The following CLEC16A variants were observed in gnomAD, a reference collection of about 807,000 sequenced individuals.
CLEC16A encodes protein CLEC16A.
CLEC16A carries 51 observed loss-of-function variants against 109.5 expected under a neutral mutation model. The ratio of observed to expected loss-of-function variants is 0.47; its 90% CI spans 0.37 to 0.59. The LOEUF is 0.59. CLEC16A is among the 20% of genes least tolerant of loss of function. The pLI is 0.00. For missense variants in CLEC16A, 1,339 were observed against 1,394.0 expected, an observed-to-expected ratio of 0.96 and a Z score of 0.63; for synonymous variants, 673 against 564.2, an observed-to-expected ratio of 1.19 and a Z score of -2.73.
chr16:11,122,362 T>C (rs1567350757), intron 20 of CLEC16A, among the ~76,000 whole-genome samples: 1 of 152,252 alleles, frequency 6.6e-6, no homozygotes, highest in Non-Finnish European at 1.5e-5. Context: ...TGCTTATCTA[T>C]CTAGGCTTTA....
At chr16:10,983,742 C>T (rs972438233) in intron 10 of CLEC16A, among the ~76,000 whole-genome samples, 1 of 152,068 alleles carries the variant, frequency 6.6e-6, no homozygotes, top group African/African-American at 2.4e-5. Flanking sequence ...CTGCCTTAAT[C>T]CTGGTCTGAC....
At chr16:11,020,052 G>A (rs994126393) in intron 11 of CLEC16A, 141 bp from the exon 12 acceptor site, 10 of 877,418 alleles carry the variant, frequency 1.1e-5, no homozygotes, top group Non-Finnish European at 1.6e-5. Flanking sequence ...TGTGTCTCTG[G>A]TGTTCAGGTC....
chr16:11,121,576 GT>G, intron 20 of CLEC16A, among the ~76,000 whole-genome samples: 1 of 151,412 alleles, frequency 6.6e-6, no homozygotes, highest in South Asian at 2.1e-4. Flanking sequence ...GTTTTTTTTT[GT>G]TTTTAATGTT....
At chr16:11,172,370 TCTC>T (rs1363705588) in intron 23 of CLEC16A, among the ~76,000 whole-genome samples, 1 of 152,052 alleles carries the variant, frequency 6.6e-6, no homozygotes, top group Middle Eastern at 3.2e-3. Context: ...AGGAAAACCA[TCTC>T]CTCAGATAAG....
At chr16:11,171,139 C>T (rs953859423) in intron 23 of CLEC16A, among the ~76,000 whole-genome samples, 4 of 152,228 alleles carry the variant, frequency 2.6e-5, no homozygotes, top group Admixed American at 6.5e-5. Flanking sequence ...GAGGAACATT[C>T]CCCATGCCCA....
chr16:11,100,999 C>A (rs142982708), intron 19 of CLEC16A, among the ~76,000 whole-genome samples: 1 of 152,160 alleles, frequency 6.6e-6, no homozygotes, highest in Non-Finnish European at 1.5e-5. Context: ...AGCCCTGCAG[C>A]CCTAGTACCT....
intron 11 of CLEC16A, among the ~76,000 whole-genome samples, chr16:11,011,361 G>T (rs1171409017): frequency 6.6e-6 from 1 of 152,058 alleles, no homozygotes; most frequent in Non-Finnish European, 1.5e-5. Context: ...TTATTGGTGT[G>T]GACTCATGGA....
At chr16:10,981,671 AAAC>A (rs2043329026) in intron 9 of CLEC16A, among the ~76,000 whole-genome samples, 1 of 152,186 alleles carries the variant, frequency 6.6e-6, no homozygotes, top group East Asian at 1.9e-4. Context: ...AATTTTTTTT[AAAC>A]AACGTTTTTT....
chr16:10,960,995 A>G (rs2146050183), intron 2 of CLEC16A, among the ~76,000 whole-genome samples: 1 of 151,626 alleles, frequency 6.6e-6, no homozygotes, highest in East Asian at 1.9e-4. Context: ...TGAATTGCCC[A>G]CTCCCCTATG....
chr16:11,052,788 A>G (rs554184247), intron 18 of CLEC16A, among the ~76,000 whole-genome samples: 2 of 152,312 alleles, frequency 1.3e-5, no homozygotes, highest in East Asian at 3.9e-4. Context: ...TCCTGTGCCA[A>G]GAAGGCCCCA....
intron 1 of CLEC16A, among the ~76,000 whole-genome samples, chr16:10,949,829 G>T (rs532212126): frequency 6.6e-6 from 1 of 152,166 alleles, no homozygotes; most frequent in Non-Finnish European, 1.5e-5. Context: ...GGTGAGTTAC[G>T]GTAGCAGCTG....
At chr16:10,963,703 C>T (rs972478136) in intron 3 of CLEC16A, among the ~76,000 whole-genome samples, 8 of 152,208 alleles carry the variant, frequency 5.3e-5, no homozygotes, top group Non-Finnish European at 7.4e-5. Context: ...CAGGTGCCAT[C>T]AGTGCTTTCA....
chr16:11,135,058 C>G (rs947139437), intron 22 of CLEC16A, among the ~76,000 whole-genome samples: 6 of 152,246 alleles, frequency 3.9e-5, no homozygotes, highest in African/African-American at 1.4e-4. Flanking sequence ...AGGTTTGTCC[C>G]TGGTGTGCAT....
At chr16:11,067,358 T>G (rs202210606) in intron 19 of CLEC16A, among the ~76,000 whole-genome samples, 12 of 9,182 alleles carry the variant, frequency 1.3e-3, no homozygotes, top group South Asian at 3.4e-3. Context: ...GGTGACGGGG[T>G]TTAACCTGGC....
chr16:11,175,137 A>G (rs955943041), intron 23 of CLEC16A, among the ~76,000 whole-genome samples: 2 of 152,104 alleles, frequency 1.3e-5, no homozygotes, highest in East Asian at 1.9e-4. Context: ...AACAAATCCA[A>G]GTTTTTGCTG....
chr16:11,157,574 G>C (rs1481937947), intron 22 of CLEC16A, among the ~76,000 whole-genome samples: 3 of 152,284 alleles, frequency 2.0e-5, no homozygotes, highest in African/African-American at 7.2e-5. Flanking sequence ...AACTTCTGGG[G>C]CCCCCCAAGG....
intron 19 of CLEC16A, among the ~76,000 whole-genome samples, chr16:11,109,914 G>C (rs1567331106): frequency 6.6e-6 from 1 of 152,234 alleles, no homozygotes; most frequent in Non-Finnish European, 1.5e-5. Flanking sequence ...TTGGAATTCT[G>C]CTGGCCTGGA....
At position 11,020,473 on chromosome 16, in the gene CLEC16A, C is replaced by T. The variant is rs536037957; in HGVS notation, c.1436+148C>T. 11 of 1,032,054 alleles carry T rather than the reference C, an allele frequency of 1.1e-5. No homozygotes were observed. In the Admixed American group the frequency reaches 2.7e-4, roughly 25 times the overall value. 63.9% of individuals were successfully genotyped at this position (1,032,054 alleles called of 1,614,324 possible). On this transcript the variant is annotated intron_variant, in intron 12 of 23. Coordinates refer to ENST00000409790, the MANE Select transcript of CLEC16A (RefSeq NM_015226.3). The stretch of plus-strand genomic sequence containing the variant: ...TCTTTCCCTGCTTCTCCAGCTCTGG[C>T]CACCCAGAAGCATGGAGACGGAGCC...
intron 11 of CLEC16A, among the ~76,000 whole-genome samples, chr16:11,014,253 G>A (rs756004741): frequency 4.6e-5 from 7 of 152,058 alleles, no homozygotes; most frequent in Non-Finnish European, 8.8e-5. Context: ...CAATGTCTCC[G>A]GAAATTACTC....
Sources: gnomAD v4.1 joint callset for allele counts (sites outside exome capture counted in the v4.1 genomes callset) on GRCh38, gnomAD v4.1.1 for gene constraint, MANE v1.5 for transcripts, NCBI Gene and HGNC (gene_info 2026-07-23, HGNC 2026-07-21) for gene names.